Variants in PARD3 observed in about 807,000 individuals in gnomAD.
The protein encoded by PARD3 is par-3 family cell polarity regulator.
A neutral mutation model predicts 155.4 loss-of-function variants in PARD3; 75 were observed. The ratio of observed to expected loss-of-function variants is 0.48; its 90% CI spans 0.40 to 0.58. PARD3 has a LOEUF of 0.58. Ranked by LOEUF, PARD3 falls within the 20% of genes least tolerant of loss-of-function variation. The pLI is 0.00. For missense variants in PARD3, 1,642 were observed against 1,721.7 expected (o/e 0.95, Z 0.82); for synonymous variants, 576 against 610.5 (o/e 0.94, Z 0.83).
At chr10:34,299,624 T>C (rs1456718021) in intron 20 of PARD3, among the ~76,000 whole-genome samples, 1 of 152,234 alleles carries the variant, frequency 6.6e-6, no homozygotes, top group African/African-American at 2.4e-5. Flanking sequence ...GACAGGAGTG[T>C]AGCCAAAGAG....
At chr10:34,369,424 G>A (rs559625384) in intron 12 of PARD3, among the ~76,000 whole-genome samples, 2 of 151,864 alleles carry the variant, frequency 1.3e-5, no homozygotes, top group African/African-American at 2.4e-5. Context: ...GTGTGGCCCA[G>A]GGAAGCCAAG....
intron 10 of PARD3, among the ~76,000 whole-genome samples, chr10:34,375,408 A>G (rs1265516085): frequency 6.6e-6 from 1 of 152,214 alleles, no homozygotes. Flanking sequence ...TGTTGCTCTT[A>G]TAAAGGGTAA....
intron 1 of PARD3, among the ~76,000 whole-genome samples, chr10:34,808,063 C>T (rs1374342792): frequency 1.3e-5 from 2 of 152,316 alleles, no homozygotes; most frequent in East Asian, 3.9e-4. Flanking sequence ...CCTGTAATCC[C>T]AGCACTCTGG....
At chr10:34,801,877 T>C (rs1455571906) in intron 1 of PARD3, among the ~76,000 whole-genome samples, 3 of 152,184 alleles carry the variant, frequency 2.0e-5, no homozygotes, top group Admixed American at 1.3e-4. Flanking sequence ...ACACAGATTA[T>C]CTATTTGAGC....
chr10:34,580,567 T>C (rs1215485277), intron 2 of PARD3, among the ~76,000 whole-genome samples: 5 of 152,148 alleles, frequency 3.3e-5, no homozygotes, highest in South Asian at 2.1e-4. Flanking sequence ...TCAAGCTTGA[T>C]TGAATCCCAA....
At chr10:34,771,070 A>AGAAT (rs1424231535) in intron 1 of PARD3, among the ~76,000 whole-genome samples, 2 of 152,348 alleles carry the variant, frequency 1.3e-5, no homozygotes, top group Non-Finnish European at 2.9e-5. Flanking sequence ...GAGGGAAGGA[A>AGAAT]GAATACCAAC....
chr10:34,671,009 G>C (rs1346401503), intron 2 of PARD3, among the ~76,000 whole-genome samples: 6 of 152,152 alleles, frequency 3.9e-5, no homozygotes. Context: ...CAGAGTCATC[G>C]GACAGAGGCA....
chr10:34,702,993 C>T (rs2094306835), intron 1 of PARD3, among the ~76,000 whole-genome samples: 1 of 152,050 alleles, frequency 6.6e-6, no homozygotes, highest in African/African-American at 2.4e-5. Context: ...GATGGTGGTA[C>T]ATTCAGGTTG....
At chr10:34,368,381 G>A (rs530083810) in intron 12 of PARD3, among the ~76,000 whole-genome samples, 1 of 152,140 alleles carries the variant, frequency 6.6e-6, no homozygotes, top group South Asian at 2.1e-4. Flanking sequence ...AGGCAAAGAA[G>A]GTGAGAGCAG....
chr10:34,590,253 C>T (rs1428930126), intron 2 of PARD3, among the ~76,000 whole-genome samples: 1 of 152,154 alleles, frequency 6.6e-6, no homozygotes, highest in Non-Finnish European at 1.5e-5. Context: ...CCCCTGATGC[C>T]CTGCCGGCCA....
chr10:34,522,130 T>C (rs2082184634), intron 2 of PARD3, among the ~76,000 whole-genome samples: 2 of 152,164 alleles, frequency 1.3e-5, no homozygotes, highest in African/African-American at 2.4e-5. Context: ...AAGATTATCC[T>C]TCATTATCCA....
chr10:34,484,563 T>C (rs927145149), intron 3 of PARD3, among the ~76,000 whole-genome samples: 2 of 152,144 alleles, frequency 1.3e-5, no homozygotes, highest in Admixed American at 6.5e-5. Context: ...AAGAGTGCCA[T>C]AAATGTCTTT....
chr10:34,486,780 T>C (rs1368250832), intron 3 of PARD3, among the ~76,000 whole-genome samples: 6 of 152,158 alleles, frequency 3.9e-5, no homozygotes, highest in African/African-American at 1.4e-4. Context: ...TGAGTGACCA[T>C]TACCCTTTTG....
In PARD3 at chr10:34,475,867, T is replaced by TA. The variant is rs2078673925; in HGVS notation, c.404-5605dup. On this transcript the variant is annotated intron_variant, in intron 3 of 24. Transcript: ENST00000374788. ...ACAGGCTTGTGTCACTCATTTTTAA[T>TA]AAACTCTCTGCCAGACACTCAGGTC... Among the ~76,000 whole-genome samples the TA allele has an allele frequency of 7.2e-5, 11 of 152,318 alleles. No individual in the cohort carries two copies. In the South Asian group the frequency reaches 2.3e-3, roughly 32 times the overall value.
At chr10:34,176,689 A>G (rs991910005) in intron 22 of PARD3, among the ~76,000 whole-genome samples, 1 of 152,092 alleles carries the variant, frequency 6.6e-6, no homozygotes, top group Non-Finnish European at 1.5e-5. Context: ...GGGTTAAGAG[A>G]CTTAGGTTTT....
chr10:34,415,382 C>A (rs1250689605), intron 5 of PARD3, among the ~76,000 whole-genome samples: 1 of 151,950 alleles, frequency 6.6e-6, no homozygotes, highest in East Asian at 1.9e-4. Context: ...AGAAAGAGTT[C>A]GCAGAAGATC....
intron 7 of PARD3, among the ~76,000 whole-genome samples, chr10:34,391,162 C>T (rs563733326): frequency 3.7e-4 from 56 of 152,230 alleles, no homozygotes; most frequent in Admixed American, 1.3e-3. Flanking sequence ...ATCTCAAACC[C>T]ACCCTTTGCT....
intron 4 of PARD3, among the ~76,000 whole-genome samples, chr10:34,457,235 C>G (rs2077384628): frequency 6.6e-6 from 1 of 152,154 alleles, no homozygotes. Context: ...AGATGCAGGT[C>G]TGATCAAACT....
intron 14 of PARD3, among the ~76,000 whole-genome samples, chr10:34,352,213 T>C (rs1838164210): frequency 1.3e-5 from 2 of 152,248 alleles, no homozygotes; most frequent in South Asian, 4.1e-4. Flanking sequence ...ATAATTCTCA[T>C]ATAGAGGCTA....
Sources: gnomAD v4.1 joint callset for allele counts (sites outside exome capture counted in the v4.1 genomes callset) on GRCh38, gnomAD v4.1.1 for gene constraint, MANE v1.5 for transcripts, NCBI Gene and HGNC (gene_info 2026-07-23, HGNC 2026-07-21) for gene names.